TBR1: variants seen among roughly 807,000 people sequenced by gnomAD.
The protein encoded by TBR1 is T-box brain transcription factor 1, also known as T-box brain protein 1.
Under a neutral mutation model 60.3 loss-of-function variants are expected in TBR1, and 7 were observed. That is an observed-to-expected ratio of 0.12 (90% CI 0.07 to 0.22). TBR1 has a LOEUF of 0.22. TBR1 is among the 10% of genes least tolerant of loss of function. TBR1 has a pLI of 1.00. For missense variants in TBR1, 616 were observed against 936.8 expected, an observed-to-expected ratio of 0.66 and a Z score of 4.47; for synonymous variants, 417 against 409.9, an observed-to-expected ratio of 1.02 and a Z score of -0.21.
chr2:161,422,442 G>C (rs963054844), intron 5 of TBR1: 1 of 152,188 alleles, frequency 6.6e-6, no homozygotes, highest in African/African-American at 2.4e-5. Context: ...TCGGTAAAGT[G>C]GGATAATAAA....
At chr2:161,420,418 CTT>C (rs67826360) in intron 5 of TBR1, 161 bp downstream of exon 5, 3,129 of 95,044 alleles carry the variant, frequency 0.033, 2 homozygotes, top group East Asian at 0.058. Context: ...TCTTCCTCTT[CTT>C]TTTTTTTTTT....
At position 161,417,254 on chromosome 2, in the gene TBR1, G is replaced by A. The variant is rs1238300830; in HGVS notation, c.692+152G>A. The A allele has an allele frequency of 1.3e-6, 1 of 769,496 alleles. No individual in the cohort carries two copies. The highest frequency in any genetic ancestry group is 1.8e-5 in the African/African-American group (1 of 56,862). 47.7% of individuals were successfully genotyped at this position (769,496 alleles called of 1,614,324 possible). A position where few individuals can be genotyped will look rare whatever the true frequency, so the allele number is the denominator to read the frequency against. The stretch of plus-strand genomic sequence containing the variant: ...AGTTTTGGAAAGGGGGAAAGTGGAA[G>A]GGATAACCGCCAGGGTGATGTTGGT... On this transcript the variant is annotated intron_variant, in intron 1 of 5. Coordinates refer to ENST00000389554, the MANE Select transcript of TBR1 (RefSeq NM_006593.4). The surrounding 1 kb of genome is among the most constrained non-coding windows in gnomAD (Gnocchi z 5.3).
rs1294527037 is a variant in TBR1, at chr2:161,424,259, C to T, written c.*32C>T. ...CCTGCCCGCCCGGCCCCGCCGCGGCCCGGACCCCCAGCCAGCCCCTCACAG... is the reference window on the plus strand; with the variant it reads ...CCTGCCCGCCCGGCCCCGCCGCGGCTCGGACCCCCAGCCAGCCCCTCACAG... On this transcript the variant is annotated 3_prime_UTR_variant, in exon 6 of 6. Transcript: ENST00000389554. This position sits in a 1 kb window ranked among gnomAD's most constrained non-coding sequence, Gnocchi z 4.4. 1.3e-6 allele frequency: 2 copies of T among 1,520,048 alleles called. No individual in the cohort carries two copies. The highest frequency in any genetic ancestry group is 1.8e-6 in the Non-Finnish European group (2 of 1,127,240). 94.2% of individuals were successfully genotyped at this position (1,520,048 alleles called of 1,614,324 possible).
Position 161,417,754 on chromosome 2 carries a change from T to C in TBR1, c.771T>C (p.Ile257=). The part of the protein sequence containing the change: ...TAHYNIFVDV[I]LADPNHWRFQ... Reference sequence around the variant, plus strand: ...ATTACAATATTTTTGTGGATGTGATTTTGGCGGATCCCAATCACTGGAGGT... The same window carrying C: ...ATTACAATATTTTTGTGGATGTGATCTTGGCGGATCCCAATCACTGGAGGT... The change falls in exon 2 of 6, where the codon ATT becomes ATC. Residue 257 remains isoleucine, a synonymous_variant. Coordinates refer to ENST00000389554, the MANE Select transcript of TBR1 (RefSeq NM_006593.4). The surrounding 1 kb of genome is among the most constrained non-coding windows in gnomAD (Gnocchi z 5.3). 1 of 1,614,186 alleles carries C rather than the reference T, an allele frequency of 6.2e-7. No individual in the cohort carries two copies. Among genetic ancestry groups the C allele is most frequent in the African/African-American group, 1.3e-5 (1 of 75,038 alleles).
At position 161,424,050 on chromosome 2, in the gene TBR1, C is replaced by T. The variant is rs1219049836; in HGVS notation, c.1872C>T (p.Ile624=). Residue 624 remains isoleucine, a synonymous_variant, in exon 6 of 6, where the codon ATC becomes ATT. Transcript: ENST00000389554. The surrounding 1 kb of genome is among the most constrained non-coding windows in gnomAD (Gnocchi z 4.4). ...AGACGCCCTCCTCGATCAAGTCCAT[C>T]GACTCCAGCGACTCGGGGATTTACG... ...WIETPSSIKS[I]DSSDSGIYEQ... 1.9e-6 allele frequency: 3 copies of T among 1,607,362 alleles called. No homozygotes were observed. The highest frequency in any genetic ancestry group is 2.2e-5 in the East Asian group (1 of 44,538).
At position 161,424,465 on chromosome 2, in the gene TBR1, C is replaced by A; in HGVS notation, c.*238C>A. 2.0e-6 allele frequency: 1 copy of A among 512,058 alleles called. No homozygotes were observed. Among genetic ancestry groups the A allele is most frequent in the South Asian group, 3.1e-5 (1 of 32,784 alleles). 31.7% of individuals were successfully genotyped at this position (512,058 alleles called of 1,614,324 possible). On this transcript the variant is annotated 3_prime_UTR_variant, in exon 6 of 6. Coordinates refer to ENST00000389554, the MANE Select transcript of TBR1 (RefSeq NM_006593.4). This position sits in a 1 kb window ranked among gnomAD's most constrained non-coding sequence, Gnocchi z 4.4. ...ACTTTGCTGTAAACCTTTTGGTTTT[C>A]CTACTTACTCTTCTTCTGTGGAGTT...
Position 161,417,567 on chromosome 2 carries a change from C to T in TBR1, c.693-109C>T. ...CCAGCAAATATTCGCCTATTTGCTG[C>T]AAGTACAAGTTTTGCTTTGCTAACT... On this transcript the variant is annotated intron_variant, in intron 1 of 5. Coordinates refer to ENST00000389554, the MANE Select transcript of TBR1 (RefSeq NM_006593.4). The surrounding 1 kb of genome is among the most constrained non-coding windows in gnomAD (Gnocchi z 5.3). 1 of 1,355,980 alleles carries T rather than the reference C, an allele frequency of 7.4e-7. No individual in the cohort carries two copies. Among genetic ancestry groups the T allele is most frequent in the Non-Finnish European group, 1.0e-6 (1 of 990,986 alleles). 84.0% of individuals were successfully genotyped at this position (1,355,980 alleles called of 1,614,324 possible).
In TBR1 at chr2:161,423,679, G is replaced by A; in HGVS notation, c.1501G>A (p.Asp501Asn). 1.3e-6 allele frequency: 2 copies of A among 1,545,532 alleles called. No individual in the cohort carries two copies. Among genetic ancestry groups the A allele is most frequent in the Non-Finnish European group, 1.7e-6 (2 of 1,155,598 alleles). Residue 501 changes from aspartate to asparagine, a missense_variant, in exon 6 of 6, where the codon GAC becomes AAC. Physicochemically the swap from Asp to Asn is conservative, Grantham distance 23. Transcript: ENST00000389554. ...GCTGGACTTCGCGGCCTCGGCCTAT[G>A]ACACGGCCACGGACTTCGCGGGCAA... is the stretch of plus-strand genomic sequence containing the variant. ...NRLDFAASAY[D>N]TATDFAGNAA...
In TBR1 at chr2:161,423,851, C is replaced by A. The variant is rs1456339394; in HGVS notation, c.1673C>A (p.Ser558Ter). The change falls in exon 6 of 6, where the codon TCG (serine) becomes TAG (stop). Residue 558 changes from serine (S) to a stop codon, truncating the protein, a stop_gained. Coordinates refer to ENST00000389554, the MANE Select transcript of TBR1 (RefSeq NM_006593.4). LOFTEE classifies it high-confidence loss of function. ...CCCCCGCAGTACTGCGGCACCAAGT[C>A]GGGCTCGGTGCTGCCCTGCTGGCCC... is the stretch of plus-strand genomic sequence containing the variant. ...RSPPQYCGTK[S>*]GSVLPCWPNS... is the part of the protein sequence containing the mutation. 6.8e-7 allele frequency: 1 copy of A among 1,463,606 alleles called. No homozygotes were observed. The highest frequency in any genetic ancestry group is 9.0e-7 in the Non-Finnish European group (1 of 1,109,656). The allele number at this position is 1,463,606 out of a possible 1,614,324, so 90.7% of individuals were successfully genotyped here. A position where few individuals can be genotyped will look rare whatever the true frequency, so the allele number is the denominator to read the frequency against.
Position 161,416,756 on chromosome 2 carries a change from G to C in TBR1, c.346G>C (p.Ala116Pro). 1.2e-6 allele frequency: 2 copies of C among 1,614,108 alleles called. No homozygotes were observed. Among genetic ancestry groups the C allele is most frequent in the Non-Finnish European group, 1.7e-6 (2 of 1,180,040 alleles). Residue 116 changes from alanine to proline, a missense_variant, in exon 1 of 6, where the codon GCG becomes CCG. Ala to Pro is a conservative substitution (Grantham distance 27). Coordinates refer to ENST00000389554, the MANE Select transcript of TBR1 (RefSeq NM_006593.4). This position sits in a 1 kb window ranked among gnomAD's most constrained non-coding sequence, Gnocchi z 6.1. Reference sequence around the variant, plus strand: ...CTCTCAGTCCAGCCAGCCACAGTCTGCGGCCACTGCTCCCAGTGCCATGTT... The same window carrying C: ...CTCTCAGTCCAGCCAGCCACAGTCTCCGGCCACTGCTCCCAGTGCCATGTT... ...LLSQSSQPQS[A>P]ATAPSAMFPY...
At position 161,423,537 on chromosome 2, in the gene TBR1, C is replaced by T. The variant is rs566188509; in HGVS notation, c.1359C>T (p.Pro453=). ...ARFHPGAGAG[P]GPGTDRSVPH... ...TCCACCCGGGCGCGGGCGCGGGCCCCGGGCCGGGTACGGACCGCAGCGTGC... is the reference window on the plus strand; with the variant it reads ...TCCACCCGGGCGCGGGCGCGGGCCCTGGGCCGGGTACGGACCGCAGCGTGC... The change falls in exon 6 of 6, where the codon CCC becomes CCT. Residue 453 remains proline, a synonymous_variant. Transcript: ENST00000389554. 27 of 1,575,884 alleles carry T rather than the reference C, an allele frequency of 1.7e-5. No individual in the cohort carries two copies. In the Admixed American group the frequency reaches 2.9e-4, roughly 17 times the overall value.
intron 4 of TBR1, 24 bp downstream of exon 4, chr2:161,419,074 G>C: frequency 6.2e-7 from 1 of 1,613,522 alleles, no homozygotes; most frequent in Non-Finnish European, 8.5e-7. Context: ...GGGGCTGGGG[G>C]CGAGGCGGGC....
intron 3 of TBR1, 103 bp from the exon 4 acceptor site, chr2:161,418,789 G>T: frequency 6.9e-7 from 1 of 1,457,206 alleles, no homozygotes; most frequent in Non-Finnish European, 9.2e-7. Context: ...CGGGCTGCAG[G>T]CTGCCTCCGC....
intron 5 of TBR1, chr2:161,421,510 C>G (rs1439540849): frequency 6.6e-6 from 1 of 152,228 alleles, no homozygotes; most frequent in Non-Finnish European, 1.5e-5. Context: ...GTATATGGCT[C>G]AAGAGACTAG....
At position 161,417,906 on chromosome 2, in the gene TBR1, G is replaced by T; in HGVS notation, c.847+76G>T. The T allele has an allele frequency of 1.3e-6, 2 of 1,531,096 alleles. No individual in the cohort carries two copies. The highest frequency in any genetic ancestry group is 2.5e-5 in the South Asian group (2 of 80,074). The allele number at this position is 1,531,096 out of a possible 1,614,324, so 94.8% of individuals were successfully genotyped here. ...GATTAATTAAAGCCTTTGTGGACTG[G>T]CTCGAGCGACTTTTAAAACGATCGG... is the stretch of plus-strand genomic sequence containing the variant. On this transcript the variant is annotated intron_variant, in intron 2 of 5. Coordinates refer to ENST00000389554, the MANE Select transcript of TBR1 (RefSeq NM_006593.4). This position sits in a 1 kb window ranked among gnomAD's most constrained non-coding sequence, Gnocchi z 5.3.
intron 4 of TBR1, 44 bp downstream of exon 4, chr2:161,419,094 A>G: frequency 6.2e-7 from 1 of 1,612,650 alleles, no homozygotes; most frequent in Non-Finnish European, 8.5e-7. Context: ...CGGCACAGAC[A>G]TCTCTCCCAC....
At chr2:161,421,389 T>C (rs1356954244) in intron 5 of TBR1, 1 of 152,242 alleles carries the variant, frequency 6.6e-6, no homozygotes, top group Non-Finnish European at 1.5e-5. Context: ...CCATATATAT[T>C]CTTCAAAAGT....
At position 161,424,331 on chromosome 2, in the gene TBR1, C is replaced by G. The variant is rs1013027886; in HGVS notation, c.*104C>G. ...CCACACTCCTCCTTGCGCACCCACT[C>G]ATTTTATTTGACCCTCGATGGCCGT... On this transcript the variant is annotated 3_prime_UTR_variant, in exon 6 of 6. Transcript: ENST00000389554. This position sits in a 1 kb window ranked among gnomAD's most constrained non-coding sequence, Gnocchi z 4.4. 22 of 1,295,368 alleles carry G rather than the reference C, an allele frequency of 1.7e-5. No homozygotes were observed. In the Admixed American group the frequency reaches 2.7e-4, roughly 16 times the overall value. 80.2% of individuals were successfully genotyped at this position (1,295,368 alleles called of 1,614,324 possible).
At position 161,417,661 on chromosome 2, in the gene TBR1, C is replaced by T. The variant is rs751155093; in HGVS notation, c.693-15C>T. On this transcript the variant is annotated splice_polypyrimidine_tract_variant and intron_variant, in intron 1 of 5. Transcript: ENST00000389554. The surrounding 1 kb of genome is among the most constrained non-coding windows in gnomAD (Gnocchi z 5.3). ...TTTTTCCTTGTTTTCTCCCCCCACC[C>T]CTTAATTTAAATAGGCGCATGTTTC... The T allele has an allele frequency of 3.1e-6, 5 of 1,608,330 alleles. No individual in the cohort carries two copies. In the Admixed American group the frequency reaches 6.7e-5, roughly 22 times the overall value.
Sources: allele counts gnomAD v4.1 joint callset, GRCh38; gene constraint gnomAD v4.1.1; non-coding constraint Gnocchi (gnomAD v3.1); transcripts MANE v1.5; gene names NCBI Gene and HGNC (gene_info 2026-07-23, HGNC 2026-07-21).